Variants in PPM1A observed in about 807,000 individuals in gnomAD.
The protein encoded by PPM1A is protein phosphatase 1A.
PPM1A carries 7 observed loss-of-function variants against 35.0 expected under a neutral mutation model. The observed-to-expected ratio is 0.20, with a 90% CI of 0.11 to 0.38. The LOEUF (loss-of-function observed/expected upper bound fraction) is 0.38. Ranked by LOEUF, PPM1A falls within the 10% of genes least tolerant of loss-of-function variation. The pLI, the probability that PPM1A is intolerant of heterozygous loss-of-function variation, is 1.00. For missense variants in PPM1A, 239 were observed against 467.8 expected, an observed-to-expected ratio of 0.51 and a Z score of 4.51; for synonymous variants, 153 against 167.3, an observed-to-expected ratio of 0.91 and a Z score of 0.66.
rs1351864348 is a variant in PPM1A at position 60,293,859 on chromosome 14, A to T, written c.*1377A>T. The stretch of plus-strand genomic sequence containing the variant: ...GTAGATATAAAAATAACCTAATTTA[A>T]TTTAGGCTTAAATTCCTCTGATTAA... On this transcript the variant is annotated 3_prime_UTR_variant, in exon 6 of 6. Transcript: ENST00000395076. This position sits in a 1 kb window ranked among gnomAD's most constrained non-coding sequence, Gnocchi z 4.0. The T allele has an allele frequency of 6.6e-6, 1 of 151,972 alleles. No homozygotes were observed. Among genetic ancestry groups the T allele is most frequent in the African/African-American group, 2.4e-5 (1 of 41,434 alleles). 9.4% of individuals were successfully genotyped at this position (151,972 alleles called of 1,614,324 possible). A position where few individuals can be genotyped will look rare whatever the true frequency, so the allele number is the denominator to read the frequency against.
chr14:60,249,529 T>C lies in PPM1A; in HGVS notation c.-169T>C. The C allele has an allele frequency of 1.0e-6, 1 of 984,598 alleles. No homozygotes were observed. The allele number at this position is 984,598 out of a possible 1,614,324, so 61.0% of individuals were successfully genotyped here. A position where few individuals can be genotyped will look rare whatever the true frequency, so the allele number is the denominator to read the frequency against. ...GGACGCAGCCCGGCTCCTCCCCTCCTCCGCCCCTTCCCCAGCCTGACCTGG... is the reference window on the plus strand; with the variant it reads ...GGACGCAGCCCGGCTCCTCCCCTCCCCCGCCCCTTCCCCAGCCTGACCTGG... On this transcript the variant is annotated 5_prime_UTR_variant, in exon 1 of 6. Coordinates refer to ENST00000395076, the MANE Select transcript of PPM1A (RefSeq NM_021003.5). This position sits in a 1 kb window ranked among gnomAD's most constrained non-coding sequence, Gnocchi z 4.5.
chr14:60,275,070 T>C (rs574822434), intron 1 of PPM1A, among the ~76,000 whole-genome samples: 64 of 57,102 alleles, frequency 1.1e-3, no homozygotes, highest in African/African-American at 8.7e-3. Flanking sequence ...CTCTTCTTCC[T>C]TTTTTTTTTT....
At chr14:60,280,801 A>G (rs1468374691) in intron 1 of PPM1A, among the ~76,000 whole-genome samples, 1 of 152,226 alleles carries the variant, frequency 6.6e-6, no homozygotes, top group Non-Finnish European at 1.5e-5. Flanking sequence ...ATAGATACCT[A>G]GGTTCCAACC....
At position 60,288,982 on chromosome 14, in the gene PPM1A, A is replaced by G. The variant is rs146391093; in HGVS notation, c.953-824A>G. ...GAGTTCTTTGTAAGGTTCTTTGTTC[A>G]TAATTTTTTATATTTTGTGATGTGA... On this transcript the variant is annotated intron_variant, in intron 3 of 5. Coordinates refer to ENST00000395076, the MANE Select transcript of PPM1A (RefSeq NM_021003.5). 4.7e-4 allele frequency among the ~76,000 whole-genome samples: 72 copies of G among 152,280 alleles called. No homozygotes were observed. The East Asian group carries it at 0.013, about 29-fold the overall frequency.
intron 1 of PPM1A, chr14:60,277,096 G>T (rs923476552): frequency 1.8e-6 from 2 of 1,138,236 alleles, no homozygotes; most frequent in African/African-American, 1.6e-5. Context: ...GACTAGGTGA[G>T]AACTAAAATT....
chr14:60,287,783 G>T (rs994500967), intron 3 of PPM1A: 62 of 982,248 alleles, frequency 6.3e-5, no homozygotes, highest in Non-Finnish European at 7.0e-5. Context: ...TAATTTTGTG[G>T]TCCTTCTAAG....
rs1887901118 is a variant in PPM1A at position 60,294,426 on chromosome 14, G to A, written c.*1944G>A. On this transcript the variant is annotated 3_prime_UTR_variant, in exon 6 of 6. Transcript: ENST00000395076. ...TTAATGTCTAAATCTGTGGTAGAGT[G>A]CGAAGTATGATAATGTTCTAAGTTA... 6.6e-6 allele frequency: 1 copy of A among 151,844 alleles called. No individual in the cohort carries two copies. The highest frequency in any genetic ancestry group is 1.5e-5 in the Non-Finnish European group (1 of 67,842). The allele number at this position is 151,844 out of a possible 1,614,324, so 9.4% of individuals were successfully genotyped here. A position where few individuals can be genotyped will look rare whatever the true frequency, so the allele number is the denominator to read the frequency against.
intron 2 of PPM1A, among the ~76,000 whole-genome samples, chr14:60,284,758 T>TA (rs1566601810): frequency 6.7e-6 from 1 of 149,438 alleles, no homozygotes; most frequent in Non-Finnish European, 1.5e-5. Context: ...TAGCATATAA[T>TA]ACATGCTACA....
rs537910721 is a variant in PPM1A at position 60,282,559 on chromosome 14, A to G, written c.-20-125A>G. ...TCTCCAGATTCCAAGTCAGCAACAC[A>G]ATGAATGTCTGCTTATCGCGAGTTG... is the stretch of plus-strand genomic sequence containing the variant. On this transcript the variant is annotated intron_variant, in intron 1 of 5. Coordinates refer to ENST00000395076, the MANE Select transcript of PPM1A (RefSeq NM_021003.5). The surrounding 1 kb of genome is among the most constrained non-coding windows in gnomAD (Gnocchi z 5.1). 195 of 1,228,028 alleles carry G rather than the reference A, an allele frequency of 1.6e-4. No homozygotes were observed. The highest frequency in any genetic ancestry group is 1.1e-3 in the South Asian group (70 of 64,348). 76.1% of individuals were successfully genotyped at this position (1,228,028 alleles called of 1,614,324 possible).
intron 1 of PPM1A, among the ~76,000 whole-genome samples, chr14:60,263,121 G>A (rs1883956600): frequency 6.6e-6 from 1 of 152,124 alleles, no homozygotes; most frequent in Non-Finnish European, 1.5e-5. Context: ...AGGAGGCCGA[G>A]GCAGGAGAAT....
rs187486600 is a variant in PPM1A, at chr14:60,277,794, C to A, written c.-20-4890C>A. Among the ~76,000 whole-genome samples, 3 of 152,300 alleles carry A rather than the reference C, an allele frequency of 2.0e-5. No homozygotes were observed. In the East Asian group the frequency reaches 5.8e-4, roughly 29 times the overall value. On this transcript the variant is annotated intron_variant, in intron 1 of 5. Transcript: ENST00000395076. ...ATGGGTGCCTTGCAAGGCATTGCCT[C>A]ATTTAAACCTTGCAGCAGCATTCAG...
intron 1 of PPM1A, among the ~76,000 whole-genome samples, chr14:60,258,973 T>C (rs1883445931): frequency 1.3e-5 from 2 of 152,126 alleles, no homozygotes; most frequent in Admixed American, 1.3e-4. Context: ...GATGTGGAAC[T>C]AAGAAGTGGC....
intron 1 of PPM1A, among the ~76,000 whole-genome samples, chr14:60,281,570 A>G (rs184971063): frequency 1.3e-5 from 2 of 152,142 alleles, no homozygotes; most frequent in African/African-American, 2.4e-5. Flanking sequence ...CTTCACCTCC[A>G]TTAAATCTCT....
chr14:60,267,210 T>TA (rs1446546494), intron 1 of PPM1A: 1 of 152,184 alleles, frequency 6.6e-6, no homozygotes, highest in Non-Finnish European at 1.5e-5. Context: ...ATTGCTGAGT[T>TA]ACAGGGATAA....
Position 60,274,672 on chromosome 14 carries a change from G to T in PPM1A, c.-20-8012G>T, listed in dbSNP as rs529648296. ...GGGTTATGAAAGAATTCATTGAAAT[G>T]GTTCACTCATTTATTGATCTTTTTT... On this transcript the variant is annotated intron_variant, in intron 1 of 5. Coordinates refer to ENST00000395076, the MANE Select transcript of PPM1A (RefSeq NM_021003.5). Among the ~76,000 whole-genome samples, 34 of 151,410 alleles carry T rather than the reference G, an allele frequency of 2.2e-4. 2 individuals are homozygous for T. Among genetic ancestry groups the T allele is most frequent in the Admixed American group, 1.1e-3 (17 of 15,220 alleles).
At chr14:60,271,745 TTG>T (rs1298763756) in intron 1 of PPM1A, among the ~76,000 whole-genome samples, 2 of 152,236 alleles carry the variant, frequency 1.3e-5, no homozygotes, top group South Asian at 2.1e-4. Flanking sequence ...TAAAATAATT[TTG>T]TGTGTCTCTT....
chr14:60,285,958 A>C, intron 3 of PPM1A: 1 of 1,235,970 alleles, frequency 8.1e-7, no homozygotes, highest in Non-Finnish European at 1.0e-6. Flanking sequence ...AAAGTAACCC[A>C]CATTCTGTTC....
At chr14:60,288,175 G>A (rs1165137093) in intron 3 of PPM1A, 35 of 984,840 alleles carry the variant, frequency 3.6e-5, no homozygotes, top group Non-Finnish European at 4.2e-5. Flanking sequence ...TGTTTTTAAA[G>A]CTTTACATTA....
At chr14:60,274,268 G>A (rs1885490487) in intron 1 of PPM1A, among the ~76,000 whole-genome samples, 1 of 152,172 alleles carries the variant, frequency 6.6e-6, no homozygotes. Context: ...TCAATTAGAG[G>A]AGGGCTAAAA....
Sources: allele counts gnomAD v4.1 joint callset (sites outside exome capture counted in the v4.1 genomes callset), GRCh38; gene constraint gnomAD v4.1.1; non-coding constraint Gnocchi (gnomAD v3.1); transcripts MANE v1.5; gene names NCBI Gene and HGNC (gene_info 2026-07-23, HGNC 2026-07-21).